The following LGSN variants were observed in gnomAD, a reference collection of about 807,000 sequenced individuals.
LGSN encodes the protein lengsin, lens protein with glutamine synthetase domain, also known as lengsin.
A neutral mutation model predicts 19.5 loss-of-function variants in LGSN; 21 were observed. The ratio of observed to expected loss-of-function variants is 1.07; its 90% CI spans 0.76 to 1.55. The LOEUF (loss-of-function observed/expected upper bound fraction) is 1.55, where lower values mean the gene tolerates loss of function less well. Ranked by LOEUF, LGSN falls within the 40% of genes most tolerant of loss-of-function variation. The probability of loss-of-function intolerance (pLI) is 0.00; values close to 1 mark genes in which losing one functional copy is unlikely to be tolerated. For missense variants in LGSN, 673 were observed against 608.5 expected (o/e 1.11, Z -1.12); for synonymous variants, 257 against 215.6 (o/e 1.19, Z -1.68).
intron 1 of LGSN, among the ~76,000 whole-genome samples, chr6:63,296,637 T>A (rs1166741429): frequency 6.6e-6 from 1 of 152,128 alleles, no homozygotes; most frequent in Non-Finnish European, 1.5e-5. Flanking sequence ...TATTTTCATA[T>A]ATAAATTGAA....
chr6:63,487,266 G>A, the LGSN span, among the ~76,000 whole-genome samples: 2 of 152,106 alleles, frequency 1.3e-5, no homozygotes, highest in Middle Eastern at 3.4e-3. Context: ...TACCACACCC[G>A]GCCTGTCTTT....
At chr6:63,431,893 C>A in the LGSN span, among the ~76,000 whole-genome samples, 1 of 151,006 alleles carries the variant, frequency 6.6e-6, no homozygotes, top group Admixed American at 6.6e-5. Flanking sequence ...ATGTTATAAA[C>A]CCGACTCTAC....
the LGSN span, among the ~76,000 whole-genome samples, chr6:63,352,506 C>G: frequency 6.6e-6 from 1 of 151,948 alleles, no homozygotes; most frequent in Non-Finnish European, 1.5e-5. Flanking sequence ...ACAAAAAATA[C>G]GAAAATTCAC....
At chr6:63,441,687 C>CAGCCA in the LGSN span, 1 of 465,448 alleles carries the variant, frequency 2.1e-6, no homozygotes, top group Non-Finnish European at 4.1e-6. Flanking sequence ...GCCCTCAAAG[C>CAGCCA]AGCCAAGCGG....
At chr6:63,283,436 G>A (rs1335118374) in intron 3 of LGSN, among the ~76,000 whole-genome samples, 1 of 152,078 alleles carries the variant, frequency 6.6e-6, no homozygotes, top group Non-Finnish European at 1.5e-5. Flanking sequence ...TATGAGTCCT[G>A]TAGCAATATA....
the LGSN span, among the ~76,000 whole-genome samples, chr6:63,434,732 C>T: frequency 6.6e-6 from 1 of 151,980 alleles, no homozygotes; most frequent in Non-Finnish European, 1.5e-5. Context: ...ATTCCCCTCT[C>T]ATGATCAGAT....
At chr6:63,331,575 A>T in the LGSN span, among the ~76,000 whole-genome samples, 1 of 152,064 alleles carries the variant, frequency 6.6e-6, no homozygotes, top group East Asian at 1.9e-4. Context: ...CTGCCCAAGA[A>T]TCCACAACGG....
At chr6:63,322,058 C>T (rs1769097689), upstream of LGSN, among the ~76,000 whole-genome samples, 1 of 152,124 alleles carries the variant, frequency 6.6e-6, no homozygotes, top group African/African-American at 2.4e-5. Context: ...ATTGCAGAAG[C>T]TAAAGCTTAC....
the LGSN span, among the ~76,000 whole-genome samples, chr6:63,513,296 A>C: frequency 6.6e-6 from 1 of 152,234 alleles, no homozygotes; most frequent in East Asian, 1.9e-4. Context: ...GATTGCCATG[A>C]AATCTCATTG....
chr6:63,438,229 A>G, the LGSN span, among the ~76,000 whole-genome samples: 3 of 152,196 alleles, frequency 2.0e-5, 1 homozygote, highest in South Asian at 6.2e-4. Flanking sequence ...CCTGACCTAC[A>G]CGGTGAAACT....
the LGSN span, among the ~76,000 whole-genome samples, chr6:63,423,766 G>A: frequency 9.9e-5 from 15 of 152,162 alleles, no homozygotes; most frequent in Non-Finnish European, 1.3e-4. Flanking sequence ...GACCAGGCAT[G>A]ATGGCTCACG....
chr6:63,537,620 T>C, the LGSN span, among the ~76,000 whole-genome samples: 103 of 152,380 alleles, frequency 6.8e-4, no homozygotes, highest in African/African-American at 2.4e-3. Context: ...TTTGTTTTAC[T>C]TCTTTTTACA....
At chr6:63,572,438 C>G in the LGSN span, 6 of 372,840 alleles carry the variant, frequency 1.6e-5, no homozygotes, top group Admixed American at 4.6e-5. Context: ...GAGGGTTGCA[C>G]GTCGCGCCGG....
the LGSN span, among the ~76,000 whole-genome samples, chr6:63,412,718 G>GGAAGGAAGGAAA: frequency 9.1e-5 from 5 of 54,802 alleles, no homozygotes; most frequent in African/African-American, 6.9e-4. Context: ...AGGGAAGGAA[G>GGAAGGAAGGAAA]GAAAGAAAGA....
chr6:63,414,921 AT>A, the LGSN span, among the ~76,000 whole-genome samples: 3 of 151,864 alleles, frequency 2.0e-5, no homozygotes, highest in African/African-American at 7.3e-5. Context: ...TTTAAAAAAA[AT>A]TAAATTAAAA....
At chr6:63,518,147 C>T in the LGSN span, among the ~76,000 whole-genome samples, 2 of 144,470 alleles carry the variant, frequency 1.4e-5, no homozygotes, top group Non-Finnish European at 3.0e-5. Context: ...CAGTGAGACT[C>T]CGTCTCCAAA....
the LGSN span, among the ~76,000 whole-genome samples, chr6:63,373,807 T>C: frequency 6.6e-6 from 1 of 151,952 alleles, no homozygotes; most frequent in African/African-American, 2.4e-5. Context: ...ACCCAGTCTC[T>C]ACCAAAATTA....
At chr6:63,489,616 C>T in the LGSN span, among the ~76,000 whole-genome samples, 6,091 of 152,274 alleles carry the variant, frequency 0.04, 181 homozygotes, top group Middle Eastern at 0.085. Flanking sequence ...ATGATCCACA[C>T]ACCTTGGCCT....
At chr6:63,312,151 T>C (rs1768654744) in intron 1 of LGSN, among the ~76,000 whole-genome samples, 1 of 152,220 alleles carries the variant, frequency 6.6e-6, no homozygotes, top group South Asian at 2.1e-4. Flanking sequence ...AAAGGCTGAA[T>C]ACTATCCCAT....
Sources: gnomAD v4.1 joint callset for allele counts (sites outside exome capture counted in the v4.1 genomes callset) on GRCh38, gnomAD v4.1.1 for gene constraint, MANE v1.5 for transcripts, NCBI Gene and HGNC (gene_info 2026-07-23, HGNC 2026-07-21) for gene names.